The following EPHA6 variants were observed in gnomAD, a reference collection of about 807,000 sequenced individuals.
EPHA6 encodes the protein ephrin type-A receptor 6.
EPHA6 carries 50 observed loss-of-function variants against 112.0 expected under a neutral mutation model. The observed-to-expected ratio is 0.45, with a 90% CI of 0.36 to 0.56. EPHA6 has a LOEUF of 0.56. Among genes scored for constraint, EPHA6 ranks in the 20% least tolerant of loss-of-function variants. EPHA6 has a pLI of 0.00. For synonymous variants in EPHA6, 529 were observed against 490.7 expected, an observed-to-expected ratio of 1.08 and a Z score of -1.03; for missense variants, 1,280 against 1,417.4, an observed-to-expected ratio of 0.90 and a Z score of 1.56.
At position 97,461,190 on chromosome 3, in the gene EPHA6, A is replaced by G. The variant is rs527643362; in HGVS notation, c.1894+12460A>G. 4.6e-5 allele frequency among the ~76,000 whole-genome samples: 7 copies of G among 152,264 alleles called. No homozygotes were observed. In the South Asian group the frequency reaches 1.2e-3, roughly 27 times the overall value. On this transcript the variant is annotated intron_variant, in intron 7 of 17. Coordinates refer to ENST00000389672, the MANE Select transcript of EPHA6 (RefSeq NM_001080448.3). ...CTTATACAAGCAGAAAGAAGAAAGA[A>G]ATTTTTTATGTTAGCAACTGATTCA...
intron 6 of EPHA6, among the ~76,000 whole-genome samples, chr3:97,438,573 A>C (rs1411597558): frequency 6.6e-6 from 1 of 152,172 alleles, no homozygotes; most frequent in Non-Finnish European, 1.5e-5. Flanking sequence ...CATTTGGACA[A>C]TATATCATGA....
intron 14 of EPHA6, among the ~76,000 whole-genome samples, chr3:97,693,591 A>G (rs2032816441): frequency 6.6e-6 from 1 of 152,074 alleles, no homozygotes; most frequent in Admixed American, 6.5e-5. Flanking sequence ...GCAGATCACG[A>G]GGTTGGGAGA....
At chr3:97,509,873 C>T (rs906343273) in intron 10 of EPHA6, among the ~76,000 whole-genome samples, 3 of 152,070 alleles carry the variant, frequency 2.0e-5, no homozygotes, top group Non-Finnish European at 4.4e-5. Context: ...TTCTTGGAGG[C>T]TTTGTTCATT....
chr3:97,531,651 C>G (rs577491147), intron 10 of EPHA6, among the ~76,000 whole-genome samples: 30 of 152,124 alleles, frequency 2.0e-4, no homozygotes, highest in African/African-American at 7.2e-4. Context: ...TTATAAGCAC[C>G]TGAGAACAGA....
intron 2 of EPHA6, among the ~76,000 whole-genome samples, chr3:96,940,360 A>G (rs1377947516): frequency 1.3e-5 from 2 of 151,994 alleles, no homozygotes; most frequent in African/African-American, 4.8e-5. Flanking sequence ...TAATGGCCTT[A>G]TTTGTCTCTT....
At chr3:97,672,830 TA>T (rs1396475468) in intron 14 of EPHA6, among the ~76,000 whole-genome samples, 1 of 152,242 alleles carries the variant, frequency 6.6e-6, no homozygotes, top group African/African-American at 2.4e-5. Context: ...TTCCTTGCTC[TA>T]AAAAGTTGAA....
At chr3:96,989,889 A>G (rs1172809580) in intron 3 of EPHA6, among the ~76,000 whole-genome samples, 3 of 152,092 alleles carry the variant, frequency 2.0e-5, no homozygotes, top group Non-Finnish European at 4.4e-5. Context: ...GGACATAGAC[A>G]CACCATATCA....
intron 5 of EPHA6, 40 bp from the exon 6 acceptor site, chr3:97,405,110 T>G: frequency 6.4e-7 from 1 of 1,550,438 alleles, no homozygotes; most frequent in Non-Finnish European, 8.7e-7. Context: ...TGGAAAATGA[T>G]TCCTGCCAAT....
At chr3:96,838,400 T>A (rs1011481576) in intron 1 of EPHA6, among the ~76,000 whole-genome samples, 1 of 152,148 alleles carries the variant, frequency 6.6e-6, no homozygotes, top group African/African-American at 2.4e-5. Context: ...TTTATATTCC[T>A]TTGGGCATTT....
At chr3:96,949,450 AG>A (rs1424271214) in intron 2 of EPHA6, among the ~76,000 whole-genome samples, 1 of 152,108 alleles carries the variant, frequency 6.6e-6, no homozygotes, top group Admixed American at 6.6e-5. Context: ...TTGTAAAGTT[AG>A]GTTAATAATA....
intron 2 of EPHA6, among the ~76,000 whole-genome samples, chr3:96,946,349 GGT>G (rs907989461): frequency 7.3e-6 from 1 of 136,848 alleles, no homozygotes; most frequent in Admixed American, 7.2e-5. Flanking sequence ...GACAGGCCCC[GGT>G]GTGTGATGTT....
chr3:97,384,280 GA>G (rs1286796974), intron 5 of EPHA6, among the ~76,000 whole-genome samples: 1 of 152,142 alleles, frequency 6.6e-6, no homozygotes, highest in Non-Finnish European at 1.5e-5. Context: ...CAAGTTCTTA[GA>G]AGAAGAAATG....
At chr3:97,493,625 GT>G (rs1278578026) in intron 10 of EPHA6, among the ~76,000 whole-genome samples, 1 of 149,834 alleles carries the variant, frequency 6.7e-6, no homozygotes, top group Non-Finnish European at 1.5e-5. Flanking sequence ...TTAGTCCTCT[GT>G]GTGTGTGTGT....
chr3:97,678,720 A>G (rs538735452), intron 14 of EPHA6, among the ~76,000 whole-genome samples: 1 of 152,140 alleles, frequency 6.6e-6, no homozygotes, highest in African/African-American at 2.4e-5. Flanking sequence ...GTTTTGCTTT[A>G]TATATTTTGA....
At chr3:96,841,189 G>T (rs145777085) in intron 1 of EPHA6, among the ~76,000 whole-genome samples, 2 of 152,032 alleles carry the variant, frequency 1.3e-5, no homozygotes, top group African/African-American at 4.8e-5. Flanking sequence ...AGTGGAGAGG[G>T]GACTTCCAGG....
At chr3:97,012,552 TA>T (rs769558968) in intron 3 of EPHA6, among the ~76,000 whole-genome samples, 1 of 147,948 alleles carries the variant, frequency 6.8e-6, no homozygotes, top group Non-Finnish European at 1.5e-5. Context: ...GAATATATTA[TA>T]AAACTAGAAT....
chr3:97,514,382 G>C (rs1163098649), intron 10 of EPHA6, among the ~76,000 whole-genome samples: 1 of 152,090 alleles, frequency 6.6e-6, no homozygotes, highest in East Asian at 1.9e-4. Flanking sequence ...ACCCTTGTGA[G>C]TACGCTGAAC....
intron 2 of EPHA6, among the ~76,000 whole-genome samples, chr3:96,889,628 T>C (rs2037837500): frequency 6.6e-6 from 1 of 152,138 alleles, no homozygotes; most frequent in South Asian, 2.1e-4. Flanking sequence ...ATGTAGGAAT[T>C]ATGTGAGTAC....
At chr3:96,869,954 C>T (rs1330525094) in intron 2 of EPHA6, among the ~76,000 whole-genome samples, 2 of 151,874 alleles carry the variant, frequency 1.3e-5, no homozygotes, top group Non-Finnish European at 2.9e-5. Context: ...TTTTTGTGTG[C>T]TCTGACTTAG....
Sources: allele counts gnomAD v4.1 joint callset (sites outside exome capture counted in the v4.1 genomes callset), GRCh38; gene constraint gnomAD v4.1.1; transcripts MANE v1.5; gene names NCBI Gene and HGNC (gene_info 2026-07-23, HGNC 2026-07-21).